ZNF440: variants seen among roughly 807,000 people sequenced by gnomAD.
ZNF440 encodes the protein zinc finger protein 440.
Under a neutral mutation model 49.7 loss-of-function variants are expected in ZNF440, and 47 were observed. That is an observed-to-expected ratio of 0.95 (90% confidence interval 0.75 to 1.21). ZNF440 has a LOEUF of 1.21. Among genes scored for constraint, ZNF440 ranks in the 50% most tolerant of loss-of-function variants. The pLI, the probability that ZNF440 is intolerant of heterozygous loss-of-function variation, is 0.00. For synonymous variants in ZNF440, 255 were observed against 237.7 expected (o/e 1.07, Z -0.67); for missense variants, 703 against 715.0 (o/e 0.98, Z 0.19).
chr19:11,830,736 T>C, intron 3 of ZNF440, 59 bp downstream of exon 3: 1 of 1,545,964 alleles, frequency 6.5e-7, no homozygotes, highest in South Asian at 1.2e-5. Flanking sequence ...AATATGACAA[T>C]ATATTAAAAA....
At chr19:11,829,599 T>G (rs890895871) in intron 1 of ZNF440, among the ~76,000 whole-genome samples, 2 of 152,160 alleles carry the variant, frequency 1.3e-5, no homozygotes, top group African/African-American at 4.8e-5. Flanking sequence ...CAACCCGCTT[T>G]TCTCCCTGGG....
Position 11,824,730 on chromosome 19 carries a change from T to C in ZNF440, c.4-5553T>C, listed in dbSNP as rs1379433623. ...CCTTTTTTTTTTTTTTTTTTTGAGA[T>C]AGAATCTTGCTCTGTTGCCCAGGCT... On this transcript the variant is annotated intron_variant, in intron 1 of 3. Transcript: ENST00000304060. Among the ~76,000 whole-genome samples, 7 of 132,492 alleles carry C rather than the reference T, an allele frequency of 5.3e-5. No individual in the cohort carries two copies. In the East Asian group the frequency reaches 1.5e-3, roughly 28 times the overall value. The allele number at this position is 132,492 out of a possible 152,430, so 86.9% of individuals were successfully genotyped here.
chr19:11,831,919 G>A lies in ZNF440; in HGVS notation c.743G>A (p.Arg248Lys). Residue 248 changes from arginine to lysine, a missense_variant, in exon 4 of 4, where the codon AGA (arginine) becomes AAA (lysine). Physicochemically the swap from Arg to Lys is conservative, Grantham distance 26. Transcript: ENST00000304060. ...SYSATHRIHK[R>K]THTGEKPYEY... The stretch of plus-strand genomic sequence containing the variant: ...TCTGCTACCCATCGAATACATAAAA[G>A]AACTCACACTGGAGAAAAGCCTTAT... The A allele has an allele frequency of 6.2e-7, 1 of 1,613,908 alleles. No homozygotes were observed. The highest frequency in any genetic ancestry group is 8.5e-7 in the Non-Finnish European group (1 of 1,179,918).
At chr19:11,827,929 C>T (rs1023857230) in intron 1 of ZNF440, among the ~76,000 whole-genome samples, 7 of 151,978 alleles carry the variant, frequency 4.6e-5, no homozygotes, top group African/African-American at 7.3e-5. Flanking sequence ...TTCCTAGTGC[C>T]TCTCTTGTCA....
Position 11,814,316 on chromosome 19 carries a change from A to G in ZNF440, c.-132A>G. 9.8e-7 allele frequency: 1 copy of G among 1,017,960 alleles called. No individual in the cohort carries two copies. The highest frequency in any genetic ancestry group is 1.4e-6 in the Non-Finnish European group (1 of 739,444). The allele number at this position is 1,017,960 out of a possible 1,614,324, so 63.1% of individuals were successfully genotyped here. A position where few individuals can be genotyped will look rare whatever the true frequency, so the allele number is the denominator to read the frequency against. On this transcript the variant is annotated 5_prime_UTR_variant, in exon 1 of 4. Coordinates refer to ENST00000304060, the MANE Select transcript of ZNF440 (RefSeq NM_152357.3). ...TAGTGCTGCGCCGACAGCGGTCAGG[A>G]TCTCGGCTTTCTTGCTTCGAGAGGG...
rs1343057118 is a variant in ZNF440 at position 11,831,596 on chromosome 19, A to G, written c.420A>G (p.Gly140=). 6.2e-7 allele frequency: 1 copy of G among 1,614,150 alleles called. No homozygotes were observed. Residue 140 remains glycine, a synonymous_variant, in exon 4 of 4, where the codon GGA becomes GGG. Transcript: ENST00000304060. ...GHKAYEYQEY[G]PKPCKCQQPK... ...AGGCATATGAGTATCAGGAATATGG[A>G]CCAAAGCCATGTAAGTGTCAACAAC...
Position 11,814,553 on chromosome 19 carries a change from C to G in ZNF440, c.3+103C>G, listed in dbSNP as rs1035285390. The G allele has an allele frequency of 4.7e-6, 6 of 1,286,202 alleles. 1 individual carries two copies. Among genetic ancestry groups the G allele is most frequent in the South Asian group, 1.9e-5 (1 of 51,632 alleles). The allele number at this position is 1,286,202 out of a possible 1,614,324, so 79.7% of individuals were successfully genotyped here. A position where few individuals can be genotyped will look rare whatever the true frequency, so the allele number is the denominator to read the frequency against. ...GGCCTCCACGCGGCGACTCCGGGGT[C>G]GTGGACGCGAGTCCCCTCGGTCGCA... On this transcript the variant is annotated intron_variant, in intron 1 of 3. Transcript: ENST00000304060.
Position 11,825,817 on chromosome 19 carries a change from C to CTT in ZNF440, c.4-4452_4-4451dup, listed in dbSNP as rs74180041. 6.9e-3 allele frequency among the ~76,000 whole-genome samples: 913 copies of CTT among 131,462 alleles called. 10 individuals are homozygous for CTT. The highest frequency in any genetic ancestry group is 0.011 in the Non-Finnish European group (702 of 62,860). 86.2% of individuals were successfully genotyped at this position (131,462 alleles called of 152,430 possible). ...TTTTTTTTTTCTTTTCTTTTCTTTT[C>CTT]TTTTTTTTTTTTTTTGAGACAGAGT... is the stretch of plus-strand genomic sequence containing the variant. On this transcript the variant is annotated intron_variant, in intron 1 of 3. Coordinates refer to ENST00000304060, the MANE Select transcript of ZNF440 (RefSeq NM_152357.3).
At chr19:11,819,217 C>T (rs1403628359) in intron 1 of ZNF440, among the ~76,000 whole-genome samples, 1 of 151,990 alleles carries the variant, frequency 6.6e-6, no homozygotes, top group Non-Finnish European at 1.5e-5. Flanking sequence ...TGTTTTCCCT[C>T]AGTCATTTAC....
intron 1 of ZNF440, among the ~76,000 whole-genome samples, chr19:11,819,989 C>A (rs960700273): frequency 6.6e-6 from 1 of 152,158 alleles, no homozygotes; most frequent in Non-Finnish European, 1.5e-5. Context: ...ATCCTCCACC[C>A]TCATACCACA....
Position 11,831,668 on chromosome 19 carries a change from G to A in ZNF440, c.492G>A (p.Arg164=), listed in dbSNP as rs1457545609. The stretch of plus-strand genomic sequence containing the variant: ...GCCCCTCCTTTAGAACACAAGAAAG[G>A]GATCACACTGGAGAGAAACCCAATG... The part of the protein sequence containing the change: ...RYRPSFRTQE[R]DHTGEKPNAC... Residue 164 remains arginine, a synonymous_variant, in exon 4 of 4, where the codon AGG becomes AGA. Coordinates refer to ENST00000304060, the MANE Select transcript of ZNF440 (RefSeq NM_152357.3). 5 of 1,613,978 alleles carry A rather than the reference G, an allele frequency of 3.1e-6. No homozygotes were observed. Among genetic ancestry groups the A allele is most frequent in the Non-Finnish European group, 3.4e-6 (4 of 1,180,004 alleles).
chr19:11,833,496 G>C lies in ZNF440; in HGVS notation c.*532G>C, dbSNP rs927077495. The C allele has an allele frequency of 6.1e-6, 2 of 328,034 alleles. No homozygotes were observed. The highest frequency in any genetic ancestry group is 3.2e-5 in the South Asian group (1 of 31,100). 20.3% of individuals were successfully genotyped at this position (328,034 alleles called of 1,614,324 possible). ...CACACTGGAAGGAAACACTATGAAT[G>C]CAAGCAATGTGGCAAAGCTTTCACT... is the stretch of plus-strand genomic sequence containing the variant. On this transcript the variant is annotated 3_prime_UTR_variant, in exon 4 of 4. Coordinates refer to ENST00000304060, the MANE Select transcript of ZNF440 (RefSeq NM_152357.3).
chr19:11,821,594 A>G (rs1975800645), intron 1 of ZNF440, among the ~76,000 whole-genome samples: 1 of 152,156 alleles, frequency 6.6e-6, no homozygotes, highest in South Asian at 2.1e-4. Flanking sequence ...ACAGGGGGGT[A>G]TAGTGCAGTG....
chr19:11,827,050 T>C (rs140237380), intron 1 of ZNF440, among the ~76,000 whole-genome samples: 1 of 149,924 alleles, frequency 6.7e-6, no homozygotes, highest in African/African-American at 2.5e-5. Context: ...GCGGGAGGTA[T>C]ACTTGGAAAG....
intron 1 of ZNF440, among the ~76,000 whole-genome samples, chr19:11,826,287 A>G (rs1240545878): frequency 6.6e-6 from 1 of 151,386 alleles, no homozygotes; most frequent in Non-Finnish European, 1.5e-5. Context: ...AAGTTAGAGA[A>G]CAGCCTGGTA....
chr19:11,817,964 C>G (rs961645398), intron 1 of ZNF440, among the ~76,000 whole-genome samples: 1 of 152,146 alleles, frequency 6.6e-6, no homozygotes, highest in Admixed American at 6.5e-5. Context: ...AATCCCAGCA[C>G]TTTGGGAGGC....
Position 11,832,674 on chromosome 19 carries a change from G to A in ZNF440, c.1498G>A (p.Val500Ile). Residue 500 changes from valine (V) to isoleucine (I), a missense_variant, in exon 4 of 4, where the codon GTT becomes ATT. Coordinates refer to ENST00000304060, the MANE Select transcript of ZNF440 (RefSeq NM_152357.3). ...QRSVVPSVVP[V>I]PFDIMKGLTL... ...TTCAGTAGTTCCTTCAGTAGTTCCA[G>A]TTCCTTTTGATATCATGAAAGGACT... 6.2e-7 allele frequency: 1 copy of A among 1,613,206 alleles called. No homozygotes were observed. The highest frequency in any genetic ancestry group is 8.5e-7 in the Non-Finnish European group (1 of 1,179,782).
intron 1 of ZNF440, chr19:11,815,692 CAG>C (rs1178579898): frequency 6.6e-6 from 1 of 152,334 alleles, no homozygotes; most frequent in African/African-American, 2.4e-5. Context: ...ATCAGGAAGT[CAG>C]GAGTTCAAGA....
chr19:11,832,093 A>G lies in ZNF440; in HGVS notation c.917A>G (p.His306Arg), dbSNP rs775709427. The G allele has an allele frequency of 2.5e-6, 4 of 1,614,112 alleles. No homozygotes were observed. In the South Asian group the frequency reaches 3.3e-5, roughly 13 times the overall value. Residue 306 changes from histidine to arginine, a missense_variant, in exon 4 of 4, where the codon CAC becomes CGC. His to Arg is a conservative substitution (Grantham distance 29). Coordinates refer to ENST00000304060, the MANE Select transcript of ZNF440 (RefSeq NM_152357.3). ...PRYVRIHERT[H>R]SRKNLYECKQ... ...TATGTTCGTATACATGAAAGGACCC[A>G]CTCTAGGAAAAATCTCTATGAATGT...
Sources: gnomAD v4.1 joint callset for allele counts (sites outside exome capture counted in the v4.1 genomes callset) on GRCh38, gnomAD v4.1.1 for gene constraint, MANE v1.5 for transcripts, NCBI Gene and HGNC (gene_info 2026-07-23, HGNC 2026-07-21) for gene names.